Variants in ABHD2 observed in about 807,000 individuals in gnomAD.
ABHD2 encodes the protein monoacylglycerol lipase ABHD2.
ABHD2 carries 20 observed loss-of-function variants against 48.1 expected under a neutral mutation model. That is an observed-to-expected ratio of 0.42 (90% CI 0.29 to 0.60). The LOEUF is 0.60. ABHD2 is among the 20% of genes least tolerant of loss of function. ABHD2 has a pLI of 0.24. For missense variants in ABHD2, 405 were observed against 550.9 expected (o/e 0.74, Z 2.65); for synonymous variants, 209 against 214.2 (o/e 0.98, Z 0.21).
chr15:89,139,448 C>A (rs1194882478), intron 3 of ABHD2, among the ~76,000 whole-genome samples: 1 of 152,208 alleles, frequency 6.6e-6, no homozygotes, highest in South Asian at 2.1e-4. Flanking sequence ...ATTCATCATG[C>A]ATCCTACCTT....
chr15:89,115,370 ATGTG>A (rs1164718189), intron 2 of ABHD2, among the ~76,000 whole-genome samples: 1,004 of 100,376 alleles, frequency 0.01, 10 homozygotes, highest in African/African-American at 0.028. Flanking sequence ...GTTTGGAGGT[ATGTG>A]TGTGTGTGTG....
chr15:89,073,808 C>T, the ABHD2 span, among the ~76,000 whole-genome samples: 30,131 of 151,972 alleles, frequency 0.2, 3,636 homozygotes, highest in East Asian at 0.35. Context: ...GATTTCAGAG[C>T]GGTGGGTCTC....
At chr15:89,127,426 A>C (rs2050146454) in intron 3 of ABHD2, among the ~76,000 whole-genome samples, 1 of 151,348 alleles carries the variant, frequency 6.6e-6, no homozygotes, top group South Asian at 2.1e-4. Flanking sequence ...ACAGCAGGTT[A>C]TATGTTTTTC....
Position 89,184,657 on chromosome 15 carries a change from G to A in ABHD2, c.723-767G>A, listed in dbSNP as rs564696566. On this transcript the variant is annotated intron_variant, in intron 6 of 10. Coordinates refer to ENST00000352732, the MANE Select transcript of ABHD2 (RefSeq NM_152924.5). This position sits in a 1 kb window ranked among gnomAD's most constrained non-coding sequence, Gnocchi z 5.1. ...GCACATGGCCAGGGCTGGTGGTGCT[G>A]TCTCCTCCCTCTGCATGTGCTGCTG... Among the ~76,000 whole-genome samples the A allele has an allele frequency of 6.6e-6, 1 of 152,322 alleles. No individual in the cohort carries two copies. Among genetic ancestry groups the A allele is most frequent in the South Asian group, 2.1e-4 (1 of 4,830 alleles).
chr15:89,116,220 G>T lies in ABHD2; in HGVS notation c.-6-102G>T. The T allele has an allele frequency of 9.2e-7, 1 of 1,092,446 alleles. No homozygotes were observed. The highest frequency in any genetic ancestry group is 2.4e-5 in the East Asian group (1 of 41,634). The allele number at this position is 1,092,446 out of a possible 1,614,324, so 67.7% of individuals were successfully genotyped here. On this transcript the variant is annotated intron_variant, in intron 2 of 10. Transcript: ENST00000352732. This position sits in a 1 kb window ranked among gnomAD's most constrained non-coding sequence, Gnocchi z 4.6. ...GGAAACATCTGAATTGTGACACACC[G>T]TCACTGGCAGTATCTCTTAGCCCAC...
intron 10 of ABHD2, among the ~76,000 whole-genome samples, chr15:89,193,846 G>A (rs1297785485): frequency 1.5e-4 from 22 of 151,444 alleles, no homozygotes; most frequent in African/African-American, 4.6e-4. Flanking sequence ...GCGTGAACCC[G>A]GGAGGCGGAG....
Position 89,201,421 on chromosome 15 carries a change from G to A in ABHD2, c.*5998G>A. 3 of 1,265,974 alleles carry A rather than the reference G, an allele frequency of 2.4e-6. No homozygotes were observed. Among genetic ancestry groups the A allele is most frequent in the Non-Finnish European group, 3.4e-6 (3 of 875,826 alleles). The allele number at this position is 1,265,974 out of a possible 1,614,324, so 78.4% of individuals were successfully genotyped here. A position where few individuals can be genotyped will look rare whatever the true frequency, so the allele number is the denominator to read the frequency against. ...TGTCATTCAATTTATCATTTTCATTGGGGATCTCCATTTGGAATCCATTAA... is the reference window on the plus strand; with the variant it reads ...TGTCATTCAATTTATCATTTTCATTAGGGATCTCCATTTGGAATCCATTAA... On this transcript the variant is annotated 3_prime_UTR_variant, in exon 11 of 11. Transcript: ENST00000352732.
intron 4 of ABHD2, among the ~76,000 whole-genome samples, chr15:89,153,235 A>G (rs1294011583): frequency 2.0e-5 from 3 of 151,834 alleles, no homozygotes; most frequent in Admixed American, 2.0e-4. Flanking sequence ...GGTAGCTTCT[A>G]CTCTCGAAAC....
chr15:89,055,218 T>A, the ABHD2 span, among the ~76,000 whole-genome samples: 1 of 152,054 alleles, frequency 6.6e-6, no homozygotes, highest in African/African-American at 2.4e-5. Flanking sequence ...TTTTTAAATC[T>A]CCTATTGTTG....
rs1022679153 is a variant in ABHD2, at chr15:89,106,739, A to G, written c.-106-6986A>G. On this transcript the variant is annotated intron_variant, in intron 1 of 10. Transcript: ENST00000352732. This position sits in a 1 kb window ranked among gnomAD's most constrained non-coding sequence, Gnocchi z 4.2. ...TCCTTACTTTCTCTCCAAGGGTGTCATGTTGCCCACATTTAAGGTTGACCA... is the reference window on the plus strand; with the variant it reads ...TCCTTACTTTCTCTCCAAGGGTGTCGTGTTGCCCACATTTAAGGTTGACCA... 6.6e-6 allele frequency among the ~76,000 whole-genome samples: 1 copy of G among 152,148 alleles called. No homozygotes were observed. The highest frequency in any genetic ancestry group is 2.4e-5 in the African/African-American group (1 of 41,424).
At position 89,173,739 on chromosome 15, in the gene ABHD2, C is replaced by T. The variant is rs11632324; in HGVS notation, c.539-2073C>T. 6.6e-6 allele frequency among the ~76,000 whole-genome samples: 1 copy of T among 152,088 alleles called. No homozygotes were observed. The highest frequency in any genetic ancestry group is 1.5e-5 in the Non-Finnish European group (1 of 68,008). The stretch of plus-strand genomic sequence containing the variant: ...AGAGGCCTTGTCATCAGAATCCACT[C>T]AATTCAGCAACTCTTTATTGAAGGC... On this transcript the variant is annotated intron_variant, in intron 5 of 10. Coordinates refer to ENST00000352732, the MANE Select transcript of ABHD2 (RefSeq NM_152924.5). The surrounding 1 kb of genome is among the most constrained non-coding windows in gnomAD (Gnocchi z 6.5).
At chr15:89,191,542 C>A (rs932426993) in intron 9 of ABHD2, among the ~76,000 whole-genome samples, 2 of 151,936 alleles carry the variant, frequency 1.3e-5, no homozygotes, top group Non-Finnish European at 2.9e-5. Flanking sequence ...AGACTGAACT[C>A]AAAATTCCTG....
chr15:89,131,915 G>A (rs894210576), intron 3 of ABHD2, among the ~76,000 whole-genome samples: 12 of 152,076 alleles, frequency 7.9e-5, no homozygotes, highest in African/African-American at 2.9e-4. Flanking sequence ...GATAAGCATG[G>A]CATTAAGAAA....
At chr15:89,044,219 C>T in the ABHD2 span, among the ~76,000 whole-genome samples, 1 of 152,176 alleles carries the variant, frequency 6.6e-6, no homozygotes, top group African/African-American at 2.4e-5. Flanking sequence ...CATGTCCCTA[C>T]AAAGGACATG....
the ABHD2 span, among the ~76,000 whole-genome samples, chr15:89,047,351 T>C: frequency 1.3e-5 from 2 of 151,648 alleles, no homozygotes; most frequent in African/African-American, 4.9e-5. Flanking sequence ...TGTGGTGTGG[T>C]GCTGAAAAAA....
chr15:89,123,929 A>C (rs557435402), intron 3 of ABHD2, among the ~76,000 whole-genome samples: 1 of 152,196 alleles, frequency 6.6e-6, no homozygotes, highest in Non-Finnish European at 1.5e-5. Context: ...CTAATAAAGC[A>C]GAGCAAATCT....
chr15:89,177,671 G>A lies in ABHD2; in HGVS notation c.722+1676G>A, dbSNP rs2051037962. Among the ~76,000 whole-genome samples the A allele has an allele frequency of 6.6e-6, 1 of 151,992 alleles. No individual in the cohort carries two copies. Among genetic ancestry groups the A allele is most frequent in the Non-Finnish European group, 1.5e-5 (1 of 67,992 alleles). ...TTTCCTTCACTCCTCTGGACACTGGGGAGTCAGCTGAGAGGACATGTGCCT... is the reference window on the plus strand; with the variant it reads ...TTTCCTTCACTCCTCTGGACACTGGAGAGTCAGCTGAGAGGACATGTGCCT... On this transcript the variant is annotated intron_variant, in intron 6 of 10. Coordinates refer to ENST00000352732, the MANE Select transcript of ABHD2 (RefSeq NM_152924.5). This position sits in a 1 kb window ranked among gnomAD's most constrained non-coding sequence, Gnocchi z 5.6.
At chr15:89,129,740 C>T (rs914542203) in intron 3 of ABHD2, among the ~76,000 whole-genome samples, 3 of 151,416 alleles carry the variant, frequency 2.0e-5, no homozygotes, top group Non-Finnish European at 2.9e-5. Context: ...TCTATTTCCT[C>T]ATTTGTAAGA....
At position 89,143,299 on chromosome 15, in the gene ABHD2, A is replaced by G. The variant is rs191639677; in HGVS notation, c.195-8378A>G. ...TTTAACTATTGCCAGTTTTATTATC[A>G]GTTGATTCTTTGAACGAACCACTGG... On this transcript the variant is annotated intron_variant, in intron 3 of 10. Transcript: ENST00000352732. Among the ~76,000 whole-genome samples, 33 of 152,382 alleles carry G rather than the reference A, an allele frequency of 2.2e-4. No individual in the cohort carries two copies. In the East Asian group the frequency reaches 6.4e-3, roughly 29 times the overall value.
Sources: gnomAD v4.1 joint callset for allele counts (sites outside exome capture counted in the v4.1 genomes callset) on GRCh38, gnomAD v4.1.1 for gene constraint, Gnocchi (gnomAD v3.1) non-coding constraint, MANE v1.5 for transcripts, NCBI Gene and HGNC (gene_info 2026-07-23, HGNC 2026-07-21) for gene names.